The following SORCS3 variants were observed in gnomAD, a reference collection of about 807,000 sequenced individuals.
SORCS3 encodes the protein sortilin related VPS10 domain containing receptor 3.
A neutral mutation model predicts 146.3 loss-of-function variants in SORCS3; 57 were observed. The observed-to-expected ratio is 0.39, with a 90% CI of 0.31 to 0.49. The LOEUF (loss-of-function observed/expected upper bound fraction) is 0.49, where lower values mean the gene tolerates loss of function less well. Among genes scored for constraint, SORCS3 ranks in the 20% least tolerant of loss-of-function variants. The pLI is 0.92. For synonymous variants in SORCS3, 653 were observed against 618.5 expected, an observed-to-expected ratio of 1.06 and a Z score of -0.83; for missense variants, 1,341 against 1,575.5, an observed-to-expected ratio of 0.85 and a Z score of 2.52.
intron 5 of SORCS3, among the ~76,000 whole-genome samples, chr10:105,048,073 T>G (rs942467978): frequency 3.3e-5 from 5 of 152,074 alleles, no homozygotes; most frequent in South Asian, 4.2e-4. Context: ...GGAACACTTT[T>G]ACACTGTTGG....
chr10:104,729,015 G>C (rs1207541084), intron 1 of SORCS3, among the ~76,000 whole-genome samples: 2 of 152,068 alleles, frequency 1.3e-5, no homozygotes, highest in Non-Finnish European at 2.9e-5. Context: ...TTGCAGAGTG[G>C]GAATGTTCTG....
chr10:104,749,225 G>T (rs1280380811), intron 1 of SORCS3, among the ~76,000 whole-genome samples: 1 of 138,042 alleles, frequency 7.2e-6, no homozygotes, highest in Non-Finnish European at 1.5e-5. Flanking sequence ...GCAAAGTATA[G>T]GGTGTGTGTG....
In SORCS3 at chr10:105,243,981, A is replaced by G. The variant is rs1028276201; in HGVS notation, c.2869-1561A>G. Among the ~76,000 whole-genome samples the G allele has an allele frequency of 2.6e-5, 4 of 152,104 alleles. No homozygotes were observed. The East Asian group carries it at 7.7e-4, about 29-fold the overall frequency. ...TGAAGGACTGTCCTGCCCCTCTTAA[A>G]GGGCAGCTCTGTGCTTCTGCAGCTG... On this transcript the variant is annotated intron_variant, in intron 20 of 26. Coordinates refer to ENST00000369701, the MANE Select transcript of SORCS3 (RefSeq NM_014978.3).
rs562066943 is a variant in SORCS3, at chr10:104,655,945, C to G, written c.627+13991C>G. ...AACTTCTTTTATTAAATATAAAATA[C>G]ACAGTCCTAGATGTTTCTTTATAGC... is the stretch of plus-strand genomic sequence containing the variant. On this transcript the variant is annotated intron_variant, in intron 1 of 26. Transcript: ENST00000369701. 1.1e-4 allele frequency among the ~76,000 whole-genome samples: 16 copies of G among 152,322 alleles called. No homozygotes were observed. In the East Asian group the frequency reaches 3.1e-3, roughly 29 times the overall value.
chr10:104,740,662 G>A lies in SORCS3; in HGVS notation c.627+98708G>A, dbSNP rs1270325471. On this transcript the variant is annotated intron_variant, in intron 1 of 26. Transcript: ENST00000369701. ...TGCATTGCTCAATGAAAGGTTAATG[G>A]ATTAACATTCATTGCACAGAGGTTT... Among the ~76,000 whole-genome samples the A allele has an allele frequency of 2.6e-5, 4 of 152,174 alleles. No homozygotes were observed. In the East Asian group the frequency reaches 7.7e-4, roughly 29 times the overall value.
At chr10:105,233,479 C>T (rs1444591942) in intron 20 of SORCS3, among the ~76,000 whole-genome samples, 2 of 152,006 alleles carry the variant, frequency 1.3e-5, no homozygotes, top group Non-Finnish European at 2.9e-5. Context: ...CATAGGTATA[C>T]ACATGCTATG....
chr10:104,785,972 A>G (rs1235173386), intron 1 of SORCS3, among the ~76,000 whole-genome samples: 1 of 152,210 alleles, frequency 6.6e-6, no homozygotes, highest in East Asian at 1.9e-4. Context: ...TGATGAGTTT[A>G]CAGGACACTT....
intron 1 of SORCS3, among the ~76,000 whole-genome samples, chr10:104,774,038 G>T (rs756919133): frequency 6.6e-6 from 1 of 152,068 alleles, no homozygotes; most frequent in South Asian, 2.1e-4. Context: ...TTTGAGTATT[G>T]TTTTAAATTT....
At chr10:104,967,689 TG>T (rs1479401900) in intron 3 of SORCS3, among the ~76,000 whole-genome samples, 1 of 152,118 alleles carries the variant, frequency 6.6e-6, no homozygotes. Flanking sequence ...ATTTTTTGGT[TG>T]GGGGGATGGG....
chr10:105,022,062 C>G (rs1480470593), intron 4 of SORCS3, among the ~76,000 whole-genome samples: 1 of 152,048 alleles, frequency 6.6e-6, no homozygotes, highest in Non-Finnish European at 1.5e-5. Flanking sequence ...GATAAATAGG[C>G]AGAGCACAGA....
At chr10:105,103,991 A>C (rs1453325689) in intron 6 of SORCS3, among the ~76,000 whole-genome samples, 3 of 152,224 alleles carry the variant, frequency 2.0e-5, no homozygotes, top group African/African-American at 7.2e-5. Flanking sequence ...TAGTGTGTGC[A>C]TGAGAAATAT....
At chr10:104,874,033 C>A (rs1401980125) in intron 2 of SORCS3, among the ~76,000 whole-genome samples, 1 of 152,146 alleles carries the variant, frequency 6.6e-6, no homozygotes, top group Non-Finnish European at 1.5e-5. Context: ...CAGTTGATTT[C>A]CATTAAAAAT....
chr10:105,229,014 A>T (rs530806281), intron 20 of SORCS3, among the ~76,000 whole-genome samples: 1 of 152,164 alleles, frequency 6.6e-6, no homozygotes, highest in Admixed American at 6.5e-5. Flanking sequence ...ATCATGTTCC[A>T]TATAGCACAT....
At chr10:104,664,624 G>C (rs769955844) in intron 1 of SORCS3, 3 of 152,128 alleles carry the variant, frequency 2.0e-5, no homozygotes, top group Non-Finnish European at 4.4e-5. Context: ...TTAAAATTTT[G>C]ACTTTATTTT....
At chr10:104,876,938 C>G (rs2018581763) in intron 2 of SORCS3, among the ~76,000 whole-genome samples, 1 of 152,028 alleles carries the variant, frequency 6.6e-6, no homozygotes, top group South Asian at 2.1e-4. Context: ...TCACTGCAGC[C>G]TCAGCCTTCC....
intron 1 of SORCS3, among the ~76,000 whole-genome samples, chr10:104,756,178 G>C (rs912772784): frequency 1.3e-5 from 2 of 152,208 alleles, no homozygotes; most frequent in Non-Finnish European, 2.9e-5. Context: ...TCAGTGAACT[G>C]TGAGTAAGAG....
intron 7 of SORCS3, among the ~76,000 whole-genome samples, chr10:105,120,875 G>T (rs1420598464): frequency 6.6e-6 from 1 of 152,176 alleles, no homozygotes; most frequent in African/African-American, 2.4e-5. Flanking sequence ...TGGTTTGGTA[G>T]AAAAGCTTCT....
intron 20 of SORCS3, 42 bp from the exon 21 acceptor site, chr10:105,245,500 T>C (rs141419643): frequency 8.7e-6 from 14 of 1,605,064 alleles, no homozygotes; most frequent in Middle Eastern, 1.7e-4. Context: ...AAAGTTGATA[T>C]CCCACACAAG....
chr10:104,809,071 A>G (rs1413628396), intron 1 of SORCS3, among the ~76,000 whole-genome samples: 1 of 152,266 alleles, frequency 6.6e-6, no homozygotes, highest in Non-Finnish European at 1.5e-5. Context: ...CGCCATTCAC[A>G]GAACAGTAGA....
Sources: allele counts gnomAD v4.1 joint callset (sites outside exome capture counted in the v4.1 genomes callset), GRCh38; gene constraint gnomAD v4.1.1; transcripts MANE v1.5; gene names NCBI Gene and HGNC (gene_info 2026-07-23, HGNC 2026-07-21).